Variants in HDAC9 observed in about 807,000 individuals in gnomAD.
HDAC9 encodes the protein histone deacetylase 9, also known as MEF-2 interacting transcription repressor (MITR) protein.
HDAC9 carries 41 observed loss-of-function variants against 139.4 expected under a neutral mutation model. The ratio of observed to expected loss-of-function variants is 0.29; its 90% confidence interval spans 0.23 to 0.38. The LOEUF (loss-of-function observed/expected upper bound fraction) is 0.38. Among genes scored for constraint, HDAC9 ranks in the 10% least tolerant of loss-of-function variants. The pLI is 1.00. For synonymous variants in HDAC9, 517 were observed against 476.2 expected (o/e 1.09, Z -1.12); for missense variants, 1,147 against 1,297.0 (o/e 0.88, Z 1.78).
intron 1 of HDAC9, among the ~76,000 whole-genome samples, chr7:18,414,590 C>G (rs979452988): frequency 3.3e-5 from 5 of 152,108 alleles, no homozygotes; most frequent in Non-Finnish European, 5.9e-5. Context: ...TATAAGTAAA[C>G]AAGTGACCTC....
intron 1 of HDAC9, among the ~76,000 whole-genome samples, chr7:18,363,595 T>A (rs1356819328): frequency 6.6e-6 from 1 of 152,160 alleles, no homozygotes; most frequent in Non-Finnish European, 1.5e-5. Flanking sequence ...TGTTATTGAT[T>A]CACTAAGAAC....
chr7:18,179,061 A>G (rs1352091006), intron 2 of HDAC9, among the ~76,000 whole-genome samples: 1 of 152,214 alleles, frequency 6.6e-6, no homozygotes, highest in Non-Finnish European at 1.5e-5. Context: ...TTTGGAATGT[A>G]TCTGGTCAAA....
intron 1 of HDAC9, among the ~76,000 whole-genome samples, chr7:18,480,285 A>G (rs1295979439): frequency 3.9e-5 from 6 of 152,192 alleles, no homozygotes; most frequent in Non-Finnish European, 8.8e-5. Context: ...GCCCCAGATT[A>G]TGAAATTAGA....
Position 18,795,791 on chromosome 7 carries a change from C to T in HDAC9, c.2322+2339C>T, listed in dbSNP as rs181087694. 2.6e-5 allele frequency among the ~76,000 whole-genome samples: 4 copies of T among 152,234 alleles called. No homozygotes were observed. The East Asian group carries it at 5.8e-4, about 22-fold the overall frequency. On this transcript the variant is annotated intron_variant, in intron 17 of 25. Coordinates refer to ENST00000686413, the MANE Select transcript of HDAC9 (RefSeq NM_178425.4). ...GAGGTAGACAGCCATGTTTGTGGACCGCTATTCAACAACCACAAAAACTAC... is the reference window on the plus strand; with the variant it reads ...GAGGTAGACAGCCATGTTTGTGGACTGCTATTCAACAACCACAAAAACTAC...
intron 1 of HDAC9, among the ~76,000 whole-genome samples, chr7:18,467,817 T>A (rs1178540417): frequency 6.6e-6 from 1 of 152,170 alleles, no homozygotes; most frequent in Admixed American, 6.5e-5. Context: ...CTCTTCCTGT[T>A]CCGGTATTCC....
At chr7:18,492,967 G>A (rs149208281), upstream of HDAC9, among the ~76,000 whole-genome samples, 957 of 151,964 alleles carry the variant, frequency 6.3e-3, 9 homozygotes, top group African/African-American at 0.022. Flanking sequence ...GAAGATGGCT[G>A]ATGGAAAAAC....
chr7:18,199,875 A>T (rs1463000533), intron 2 of HDAC9, among the ~76,000 whole-genome samples: 1 of 151,628 alleles, frequency 6.6e-6, no homozygotes, highest in East Asian at 1.9e-4. Flanking sequence ...GGCTGCAGTG[A>T]GCTATGATCA....
At chr7:18,568,549 C>G (rs1179245474) in intron 2 of HDAC9, among the ~76,000 whole-genome samples, 1 of 152,132 alleles carries the variant, frequency 6.6e-6, no homozygotes, top group Non-Finnish European at 1.5e-5. Flanking sequence ...GAAGAGCAAG[C>G]AACAAAGTCT....
At chr7:18,503,948 A>G (rs151260594) in intron 2 of HDAC9, among the ~76,000 whole-genome samples, 22 of 152,358 alleles carry the variant, frequency 1.4e-4, no homozygotes, top group African/African-American at 5.3e-4. Context: ...TAAAAACAAA[A>G]TAAACCCCCC....
chr7:18,973,869 T>G (rs535552533), intron 24 of HDAC9, among the ~76,000 whole-genome samples: 4 of 152,200 alleles, frequency 2.6e-5, no homozygotes, highest in African/African-American at 9.6e-5. Context: ...CCCACTGTTA[T>G]CACCTTCCAA....
chr7:18,168,890 TTTTTTTTTG>T (rs1259615001), intron 2 of HDAC9, among the ~76,000 whole-genome samples: 2 of 112,762 alleles, frequency 1.8e-5, no homozygotes, highest in Admixed American at 8.7e-5. Flanking sequence ...TTTTTTTTTT[TTTTTTTTTG>T]TGTGTGTGTG....
intron 1 of HDAC9, among the ~76,000 whole-genome samples, chr7:18,443,549 AAAAAAC>A (rs772313564): frequency 6.6e-6 from 1 of 152,216 alleles, no homozygotes; most frequent in Non-Finnish European, 1.5e-5. Flanking sequence ...GGTCCATTCT[AAAAAAC>A]ATGTTATGCT....
intron 12 of HDAC9, among the ~76,000 whole-genome samples, chr7:18,703,832 G>C (rs1783684693): frequency 6.6e-6 from 1 of 151,908 alleles, no homozygotes; most frequent in Non-Finnish European, 1.5e-5. Context: ...AACTATGCAA[G>C]TGTGAACTGG....
intron 25 of HDAC9, among the ~76,000 whole-genome samples, chr7:18,977,959 C>CACAG (rs1381948287): frequency 7.1e-6 from 1 of 140,492 alleles, no homozygotes; most frequent in African/African-American, 2.6e-5. Context: ...CACACACACA[C>CACAG]AGAAAGAGAG....
intron 21 of HDAC9, among the ~76,000 whole-genome samples, chr7:18,864,530 T>C (rs1798345317): frequency 6.6e-6 from 1 of 152,040 alleles, no homozygotes; most frequent in South Asian, 2.1e-4. Flanking sequence ...CTGTTTAACA[T>C]TGTACCTACA....
intron 1 of HDAC9, among the ~76,000 whole-genome samples, chr7:18,108,164 C>G (rs1482239404): frequency 1.3e-5 from 2 of 152,076 alleles, no homozygotes; most frequent in African/African-American, 2.4e-5. Context: ...GAGGGCTCTT[C>G]TAGGGGGTGT....
At chr7:18,223,773 C>T (rs1003893633) in intron 2 of HDAC9, among the ~76,000 whole-genome samples, 2 of 151,916 alleles carry the variant, frequency 1.3e-5, no homozygotes, top group Non-Finnish European at 2.9e-5. Flanking sequence ...ATCATCATTT[C>T]TTTGTCAGTA....
intron 1 of HDAC9, among the ~76,000 whole-genome samples, chr7:18,123,552 T>C (rs971056788): frequency 4.6e-5 from 7 of 152,118 alleles, no homozygotes; most frequent in Admixed American, 2.6e-4. Context: ...GAAAATGCAT[T>C]TGGAGTTTAG....
chr7:18,659,388 G>A (rs1197986826), intron 11 of HDAC9, among the ~76,000 whole-genome samples: 2 of 152,146 alleles, frequency 1.3e-5, no homozygotes, highest in Non-Finnish European at 2.9e-5. Flanking sequence ...TGGAATGTGA[G>A]ATTCTGAAAT....
Sources: gnomAD v4.1 joint callset for allele counts (sites outside exome capture counted in the v4.1 genomes callset) on GRCh38, gnomAD v4.1.1 for gene constraint, MANE v1.5 for transcripts, NCBI Gene and HGNC (gene_info 2026-07-23, HGNC 2026-07-21) for gene names.